The following RTN1 variants were observed in gnomAD, a reference collection of about 807,000 sequenced individuals.
RTN1 encodes the protein reticulon 1, also known as reticulon-1.
RTN1 carries 25 observed loss-of-function variants against 65.5 expected under a neutral mutation model. That is an observed-to-expected ratio of 0.38 (90% confidence interval 0.28 to 0.53). The LOEUF is 0.53. Ranked by LOEUF, RTN1 falls within the 20% of genes least tolerant of loss-of-function variation. RTN1 has a pLI of 0.79. For synonymous variants in RTN1, 471 were observed against 447.6 expected (o/e 1.05, Z -0.66); for missense variants, 983 against 1,025.4 (o/e 0.96, Z 0.57).
intron 1 of RTN1, among the ~76,000 whole-genome samples, chr14:59,750,209 A>AAT (rs543075686): frequency 3.4e-5 from 1 of 29,010 alleles, no homozygotes; most frequent in African/African-American, 2.0e-4. Context: ...TATAATATAT[A>AAT]ATATATATAT....
rs1886325770 is a variant in RTN1 at position 59,790,310 on chromosome 14, G to T, written c.242-43829C>A. On this transcript the variant is annotated intron_variant, in intron 1 of 8. Transcript: ENST00000267484. The surrounding 1 kb of genome is among the most constrained non-coding windows in gnomAD (Gnocchi z 4.1). Reference sequence around the variant, plus strand: ...ACACACACACACCTCTAGGAAAAAAGTAGTGGGAAATATGGCAACACATTG... The same window carrying T: ...ACACACACACACCTCTAGGAAAAAATTAGTGGGAAATATGGCAACACATTG... 6.6e-6 allele frequency among the ~76,000 whole-genome samples: 1 copy of T among 151,890 alleles called. No homozygotes were observed. The highest frequency in any genetic ancestry group is 2.4e-5 in the African/African-American group (1 of 41,366).
intron 1 of RTN1, among the ~76,000 whole-genome samples, chr14:59,786,166 C>T (rs1194279180): frequency 6.6e-6 from 1 of 152,226 alleles, no homozygotes; most frequent in Non-Finnish European, 1.5e-5. Flanking sequence ...CCTTGCTAGA[C>T]ATTACTAAAC....
In RTN1 at chr14:59,795,629, C is replaced by T. The variant is rs75376221; in HGVS notation, c.242-49148G>A. Among the ~76,000 whole-genome samples the T allele has an allele frequency of 5.3e-5, 8 of 152,198 alleles. No individual in the cohort carries two copies. The South Asian group carries it at 1.0e-3, about 20-fold the overall frequency. On this transcript the variant is annotated intron_variant, in intron 1 of 8. Coordinates refer to ENST00000267484, the MANE Select transcript of RTN1 (RefSeq NM_021136.3). ...TACATATTTATTGTGAACAAGTTGCCGGTGCCAAGGAAGCTGCATTCACCT... is the reference window on the plus strand; with the variant it reads ...TACATATTTATTGTGAACAAGTTGCTGGTGCCAAGGAAGCTGCATTCACCT...
intron 2 of RTN1, among the ~76,000 whole-genome samples, chr14:59,739,130 A>G (rs2139497356): frequency 6.6e-6 from 1 of 152,124 alleles, no homozygotes; most frequent in Non-Finnish European, 1.5e-5. Flanking sequence ...AAACCTGCAC[A>G]TCCTGCACAT....
At chr14:59,599,049 C>A (rs1881495433) in intron 8 of RTN1, among the ~76,000 whole-genome samples, 1 of 152,164 alleles carries the variant, frequency 6.6e-6, no homozygotes, top group African/African-American at 2.4e-5. Flanking sequence ...TTGATTTAGA[C>A]TTTGTACTCC....
At chr14:59,708,909 T>C (rs1319062110) in intron 3 of RTN1, among the ~76,000 whole-genome samples, 2 of 152,212 alleles carry the variant, frequency 1.3e-5, no homozygotes, top group East Asian at 1.9e-4. Context: ...CTATACAGAC[T>C]GAGAGAACTT....
intron 1 of RTN1, among the ~76,000 whole-genome samples, chr14:59,859,778 C>G (rs973587513): frequency 9.2e-5 from 14 of 152,282 alleles, no homozygotes; most frequent in African/African-American, 3.1e-4. Flanking sequence ...TTGCTGGGAA[C>G]TGGAGCAAAG....
Position 59,825,911 on chromosome 14 carries a change from G to T in RTN1, c.241+44479C>A, listed in dbSNP as rs1887023113. On this transcript the variant is annotated intron_variant, in intron 1 of 8. Transcript: ENST00000267484. This position sits in a 1 kb window ranked among gnomAD's most constrained non-coding sequence, Gnocchi z 4.2. The stretch of plus-strand genomic sequence containing the variant: ...GAATGGTGTGAGGAGGGACCTAACA[G>T]TTTGTGGTACCCATTCCCAGTACCC... 6.6e-6 allele frequency among the ~76,000 whole-genome samples: 1 copy of T among 152,224 alleles called. No individual in the cohort carries two copies. Among genetic ancestry groups the T allele is most frequent in the Non-Finnish European group, 1.5e-5 (1 of 68,032 alleles).
At chr14:59,715,958 A>G (rs1460509887) in intron 3 of RTN1, among the ~76,000 whole-genome samples, 1 of 152,254 alleles carries the variant, frequency 6.6e-6, no homozygotes, top group East Asian at 1.9e-4. Flanking sequence ...TATTTTCAAC[A>G]TTTAAGAAAA....
intron 1 of RTN1, among the ~76,000 whole-genome samples, chr14:59,858,533 T>G (rs1307273689): frequency 6.6e-6 from 1 of 152,092 alleles, no homozygotes; most frequent in Non-Finnish European, 1.5e-5. Flanking sequence ...CTAGGAATTT[T>G]GGAGAATGTG....
intron 3 of RTN1, among the ~76,000 whole-genome samples, chr14:59,660,531 A>T (rs1475415558): frequency 6.6e-6 from 1 of 152,192 alleles, no homozygotes; most frequent in Non-Finnish European, 1.5e-5. Flanking sequence ...AGAAATCATA[A>T]CAAACAGTCT....
intron 3 of RTN1, chr14:59,630,511 C>G (rs1443988135): frequency 1.2e-6 from 2 of 1,613,434 alleles, no homozygotes; most frequent in Non-Finnish European, 1.7e-6. Context: ...CTGCATCGTG[C>G]GGGCTTTGGG....
intron 1 of RTN1, among the ~76,000 whole-genome samples, chr14:59,799,806 G>A (rs897871407): frequency 4.6e-5 from 7 of 152,138 alleles, no homozygotes; most frequent in Non-Finnish European, 1.0e-4. Context: ...AAGTCACTGG[G>A]CTGGGGTTGG....
At chr14:59,811,584 C>T (rs1886730115) in intron 1 of RTN1, among the ~76,000 whole-genome samples, 1 of 152,138 alleles carries the variant, frequency 6.6e-6, no homozygotes, top group Non-Finnish European at 1.5e-5. Context: ...TCAAACATTA[C>T]AGTTTTTTCA....
intron 1 of RTN1, among the ~76,000 whole-genome samples, chr14:59,833,057 T>C (rs1887153793): frequency 6.6e-6 from 1 of 152,224 alleles, no homozygotes; most frequent in African/African-American, 2.4e-5. Flanking sequence ...TTCTCCTCCT[T>C]TCCTTACAGT....
chr14:59,772,641 T>C (rs1885980644), intron 1 of RTN1, among the ~76,000 whole-genome samples: 1 of 152,172 alleles, frequency 6.6e-6, no homozygotes, highest in Admixed American at 6.5e-5. Flanking sequence ...GCATGTCTTT[T>C]AGGGTACTGC....
intron 3 of RTN1, among the ~76,000 whole-genome samples, chr14:59,722,997 C>T (rs1884677961): frequency 6.6e-6 from 1 of 151,828 alleles, no homozygotes; most frequent in Admixed American, 6.6e-5. Flanking sequence ...GGAGTTTCAT[C>T]ATGTTGCGTA....
At chr14:59,666,788 A>G (rs543044638) in intron 3 of RTN1, among the ~76,000 whole-genome samples, 4 of 152,110 alleles carry the variant, frequency 2.6e-5, no homozygotes, top group Non-Finnish European at 5.9e-5. Context: ...AGAAATACAG[A>G]CTATCATCAG....
At chr14:59,662,966 C>T (rs1883283976) in intron 3 of RTN1, among the ~76,000 whole-genome samples, 1 of 152,086 alleles carries the variant, frequency 6.6e-6, no homozygotes, top group African/African-American at 2.4e-5. Context: ...CAAGACAATC[C>T]TAAGTAAAAA....
Sources: allele counts gnomAD v4.1 joint callset (sites outside exome capture counted in the v4.1 genomes callset), GRCh38; gene constraint gnomAD v4.1.1; non-coding constraint Gnocchi (gnomAD v3.1); transcripts MANE v1.5; gene names NCBI Gene and HGNC (gene_info 2026-07-23, HGNC 2026-07-21).